The following CTPS2 variants were observed in gnomAD, a reference collection of about 807,000 sequenced individuals.
CTPS2 encodes the protein CTP synthase II.
Under a neutral mutation model 46.8 loss-of-function variants are expected in CTPS2, and 19 were observed. That is an observed-to-expected ratio of 0.41 (90% CI 0.28 to 0.60). The LOEUF is 0.60. Ranked by LOEUF, CTPS2 falls within the 20% of genes least tolerant of loss-of-function variation. The pLI, the probability that CTPS2 is intolerant of heterozygous loss-of-function variation, is 0.35. For synonymous variants in CTPS2, 151 were observed against 165.2 expected (o/e 0.91, Z 0.66); for missense variants, 286 against 447.6 (o/e 0.64, Z 3.26).
intron 11 of CTPS2, among the ~76,000 whole-genome samples, chrX:16,668,157 G>A (rs1921353567): frequency 9.1e-6 from 1 of 109,483 alleles, no homozygotes; most frequent in South Asian, 4.0e-4. Flanking sequence ...AGCTACTTGG[G>A]AGGCTGAGGC....
At chrX:16,674,832 C>T (rs1486575012) in intron 10 of CTPS2, among the ~76,000 whole-genome samples, 2 of 100,018 alleles carry the variant, frequency 2.0e-5, no homozygotes, top group East Asian at 3.1e-4. Context: ...GGCGAGACTC[C>T]GTCTCAAAAA....
chrX:16,665,972 G>C (rs1262741000), intron 13 of CTPS2, among the ~76,000 whole-genome samples: 1 of 111,844 alleles, frequency 8.9e-6, no homozygotes, highest in Non-Finnish European at 1.9e-5. Flanking sequence ...GTCTAGTCTC[G>C]AACTCCTGAC....
intron 13 of CTPS2, among the ~76,000 whole-genome samples, chrX:16,653,105 T>C (rs1932725154): frequency 1.8e-5 from 2 of 110,770 alleles, no homozygotes; most frequent in African/African-American, 6.5e-5. Flanking sequence ...ACAATTTATA[T>C]ATACATATAT....
chrX:16,706,425 AAGGTAAGAAAAATTTTGGCC>A (rs1185947245), intron 1 of CTPS2, among the ~76,000 whole-genome samples: 3 of 110,513 alleles, frequency 2.7e-5, no homozygotes, highest in African/African-American at 9.9e-5. Context: ...TCCGACTCGA[AAGGTAAGAAAAATTTTGGCC>A]AGGTGCAATG....
chrX:16,606,292 C>T (rs1483391251), intron 17 of CTPS2, among the ~76,000 whole-genome samples: 5 of 112,245 alleles, frequency 4.5e-5, no homozygotes, highest in Non-Finnish European at 9.4e-5. Context: ...ACAGCCCCAA[C>T]TCAGCTCACA....
chrX:16,675,717 T>A (rs1216927051), intron 10 of CTPS2, among the ~76,000 whole-genome samples: 4 of 111,403 alleles, frequency 3.6e-5, no homozygotes, highest in Non-Finnish European at 7.5e-5. Context: ...AGAAGGTAGT[T>A]AAAAATCAAC....
intron 11 of CTPS2, among the ~76,000 whole-genome samples, chrX:16,668,624 AG>A (rs1415811771): frequency 1.0e-5 from 1 of 96,845 alleles, no homozygotes; most frequent in African/African-American, 4.0e-5. Flanking sequence ...GAAGGAGGGA[AG>A]GAAGGAAGAA....
chrX:16,663,065 G>A lies in CTPS2; in HGVS notation c.1296+4449C>T, dbSNP rs1021124156. 4.5e-5 allele frequency among the ~76,000 whole-genome samples: 5 copies of A among 112,140 alleles called. No individual in the cohort carries two copies. The Admixed American group carries it at 4.7e-4, about 11-fold the overall frequency. ...TAGCATACAGCAGAGCAAGCACACC[G>A]AAGACATCCCTGCACATTGATGTGG... is the stretch of plus-strand genomic sequence containing the variant. On this transcript the variant is annotated intron_variant, in intron 13 of 18. Transcript: ENST00000359276.
chrX:16,649,014 C>T (rs1375357212), intron 13 of CTPS2, among the ~76,000 whole-genome samples: 4 of 112,251 alleles, frequency 3.6e-5, no homozygotes, highest in African/African-American at 1.3e-4. Flanking sequence ...CCTGGAACCC[C>T]TTCCTGTGAG....
rs200252452 is a variant in CTPS2 at position 16,702,922 on chromosome X, T to A, written c.-20A>T. On this transcript the variant is annotated 5_prime_UTR_variant, in exon 2 of 19. Coordinates refer to ENST00000359276, the MANE Select transcript of CTPS2 (RefSeq NM_175859.3). Reference sequence around the variant, plus strand: ...CTTCATTGGCAGAATAGTGGCTGGGTGCCAACACCCAGATATAATCTGAAA... The same window carrying A: ...CTTCATTGGCAGAATAGTGGCTGGGAGCCAACACCCAGATATAATCTGAAA... The A allele has an allele frequency of 8.6e-5, 102 of 1,181,850 alleles. 1 individual carries two copies. The African/African-American group carries it at 1.5e-3, about 17-fold the overall frequency.
chrX:16,639,253 C>G lies in CTPS2; in HGVS notation c.1297-10G>C. Reference sequence around the variant, plus strand: ...CGGGCATATCAATCACCTTAGAAAACAAAACAAGTCCAGTTTTGCCATCTT... The same window carrying G: ...CGGGCATATCAATCACCTTAGAAAAGAAAACAAGTCCAGTTTTGCCATCTT... On this transcript the variant is annotated splice_polypyrimidine_tract_variant and intron_variant, in intron 13 of 18. Transcript: ENST00000359276. 8.6e-7 allele frequency: 1 copy of G among 1,158,117 alleles called. No individual in the cohort carries two copies. The highest frequency in any genetic ancestry group is 1.2e-6 in the Non-Finnish European group (1 of 847,800).
chrX:16,699,617 T>C (rs755427235), intron 2 of CTPS2, among the ~76,000 whole-genome samples: 45 of 112,444 alleles, frequency 4.0e-4, no homozygotes, highest in Non-Finnish European at 6.8e-4. Flanking sequence ...GGTGCAGACT[T>C]CGTCACACGA....
intron 13 of CTPS2, among the ~76,000 whole-genome samples, chrX:16,667,004 C>T (rs1921241804): frequency 9.0e-6 from 1 of 111,006 alleles, no homozygotes; most frequent in African/African-American, 3.3e-5. Flanking sequence ...AGAAATCAGT[C>T]CAGGATTGTG....
intron 11 of CTPS2, among the ~76,000 whole-genome samples, chrX:16,668,243 G>A (rs1921361011): frequency 9.3e-6 from 1 of 107,583 alleles, no homozygotes; most frequent in Non-Finnish European, 1.9e-5. Context: ...GGCTGGGTGA[G>A]AAAGAAGGAA....
chrX:16,620,273 G>A lies in CTPS2; in HGVS notation c.1449+4C>T, dbSNP rs374160076. On this transcript the variant is annotated splice_donor_region_variant and intron_variant, in intron 15 of 18. Coordinates refer to ENST00000359276, the MANE Select transcript of CTPS2 (RefSeq NM_175859.3). Reference sequence around the variant, plus strand: ...TCCCCAGTAATTCAGCATGAAAGCCGTACCTCGAACCGATGTCTGTGTCTT... The same window carrying A: ...TCCCCAGTAATTCAGCATGAAAGCCATACCTCGAACCGATGTCTGTGTCTT... 1.2e-5 allele frequency: 14 copies of A among 1,192,483 alleles called. No homozygotes were observed. Among genetic ancestry groups the A allele is most frequent in the African/African-American group, 1.1e-4 (6 of 56,596 alleles).
intron 17 of CTPS2, among the ~76,000 whole-genome samples, chrX:16,600,967 A>T (rs1486497252): frequency 9.0e-6 from 1 of 111,622 alleles, no homozygotes; most frequent in Non-Finnish European, 1.9e-5. Context: ...CAAGTTTAGG[A>T]GTAGTGACTT....
chrX:16,678,403 A>T lies in CTPS2; in HGVS notation c.1053T>A (p.Pro351=). 1 of 1,205,017 alleles carries T rather than the reference A, an allele frequency of 8.3e-7. No individual in the cohort carries two copies. Among genetic ancestry groups the T allele is most frequent in the Non-Finnish European group, 1.1e-6 (1 of 890,618 alleles). ...TCTGCCAAGCTTCATGAAATTTCAC[A>T]GGGTCCTCGGTTTCAGTGATCTTCT... ...DLEKITETED[P]VKFHEAWQKL... is the part of the protein sequence containing the mutation. The change falls in exon 10 of 19, where the codon CCT becomes CCA. Residue 351 remains proline (P), a synonymous_variant. Transcript: ENST00000359276.
At chrX:16,632,910 C>T (rs980212443) in intron 14 of CTPS2, among the ~76,000 whole-genome samples, 2 of 110,951 alleles carry the variant, frequency 1.8e-5, no homozygotes, top group African/African-American at 6.6e-5. Flanking sequence ...TTAGATCAAA[C>T]GGCTTCTGAA....
In CTPS2 at chrX:16,612,208, C is replaced by A. The variant is rs747903421; in HGVS notation, c.1547-2523G>T. Among the ~76,000 whole-genome samples the A allele has an allele frequency of 7.1e-5, 8 of 112,209 alleles. 1 individual carries two copies. In the South Asian group the frequency reaches 2.9e-3, roughly 41 times the overall value. On this transcript the variant is annotated intron_variant, in intron 16 of 18. Coordinates refer to ENST00000359276, the MANE Select transcript of CTPS2 (RefSeq NM_175859.3). ...AAATAATGCTGTTGATTGCTTTAAA[C>A]CAAATTCTGACATTATATAATATTA...
Sources: allele counts gnomAD v4.1 joint callset (sites outside exome capture counted in the v4.1 genomes callset), GRCh38; gene constraint gnomAD v4.1.1; transcripts MANE v1.5; gene names NCBI Gene and HGNC (gene_info 2026-07-23, HGNC 2026-07-21).